Variants in NRCAM observed in about 807,000 individuals in gnomAD.
The protein encoded by NRCAM is neuronal cell adhesion molecule.
Under a neutral mutation model 156.5 loss-of-function variants are expected in NRCAM, and 83 were observed. That is an observed-to-expected ratio of 0.53 (90% CI 0.44 to 0.64). The LOEUF is 0.64. Ranked by LOEUF, NRCAM falls within the 30% of genes least tolerant of loss-of-function variation. The pLI is 0.00. For synonymous variants in NRCAM, 538 were observed against 563.9 expected, an observed-to-expected ratio of 0.95 and a Z score of 0.65; for missense variants, 1,417 against 1,597.3, an observed-to-expected ratio of 0.89 and a Z score of 1.92.
At chr7:108,288,456 T>C (rs2098178267) in intron 3 of NRCAM, among the ~76,000 whole-genome samples, 1 of 152,118 alleles carries the variant, frequency 6.6e-6, no homozygotes, top group African/African-American at 2.4e-5. Flanking sequence ...AAAATGTACA[T>C]CAGTGTAGTA....
At chr7:108,425,457 G>A (rs751277940) in intron 1 of NRCAM, among the ~76,000 whole-genome samples, 1 of 152,148 alleles carries the variant, frequency 6.6e-6, no homozygotes, top group Non-Finnish European at 1.5e-5. Context: ...TTTTAAATCA[G>A]TGGGTTTTAT....
intron 3 of NRCAM, among the ~76,000 whole-genome samples, chr7:108,290,233 A>G (rs779926904): frequency 2.0e-5 from 3 of 152,190 alleles, no homozygotes; most frequent in Non-Finnish European, 4.4e-5. Flanking sequence ...CTATGTGGGC[A>G]TTACCAGTAG....
chr7:108,295,238 T>C (rs908162605), intron 3 of NRCAM, among the ~76,000 whole-genome samples: 1 of 152,226 alleles, frequency 6.6e-6, no homozygotes, highest in African/African-American at 2.4e-5. Context: ...ACTTTTCATA[T>C]GTTAACTTTT....
chr7:108,442,754 T>A (rs1044909573), intron 1 of NRCAM, among the ~76,000 whole-genome samples: 1 of 152,124 alleles, frequency 6.6e-6, no homozygotes, highest in South Asian at 2.1e-4. Flanking sequence ...TCAAGGCAAA[T>A]ATTTAAAAGA....
chr7:108,455,938 G>A (rs931738456), intron 1 of NRCAM, among the ~76,000 whole-genome samples: 1 of 152,218 alleles, frequency 6.6e-6, no homozygotes. Flanking sequence ...CGGAGCAGAA[G>A]TTGGCCACAG....
chr7:108,207,783 G>T (rs1474540987), intron 12 of NRCAM, 124 bp from the exon 13 acceptor site: 5 of 684,620 alleles, frequency 7.3e-6, no homozygotes, highest in Non-Finnish European at 1.1e-5. Flanking sequence ...CATTTTTTTT[G>T]AGCGAATAGA....
intron 3 of NRCAM, among the ~76,000 whole-genome samples, chr7:108,267,414 G>A (rs984915314): frequency 5.9e-5 from 9 of 152,176 alleles, no homozygotes; most frequent in Admixed American, 1.3e-4. Flanking sequence ...CACACTTTCG[G>A]TCAGGGTTCT....
chr7:108,221,776 C>A (rs2092373757), intron 11 of NRCAM, among the ~76,000 whole-genome samples: 1 of 151,882 alleles, frequency 6.6e-6, no homozygotes, highest in South Asian at 2.1e-4. Flanking sequence ...ATGGGTGCAC[C>A]AAAATCTCAC....
At chr7:108,324,883 T>A (rs1347278921) in intron 2 of NRCAM, among the ~76,000 whole-genome samples, 8 of 139,274 alleles carry the variant, frequency 5.7e-5, no homozygotes, top group East Asian at 2.0e-4. Flanking sequence ...TGTACTTTTT[T>A]TTTTTTTTTT....
At chr7:108,332,190 C>T (rs1221152484) in intron 2 of NRCAM, among the ~76,000 whole-genome samples, 3 of 152,188 alleles carry the variant, frequency 2.0e-5, no homozygotes, top group African/African-American at 7.2e-5. Flanking sequence ...AGGAACCCCA[C>T]AGATAATTTG....
chr7:108,293,547 C>CT (rs1230105482), intron 3 of NRCAM, among the ~76,000 whole-genome samples: 1 of 152,182 alleles, frequency 6.6e-6, no homozygotes, highest in Non-Finnish European at 1.5e-5. Flanking sequence ...TAAAGGAAGT[C>CT]TAAGTGCAGG....
At chr7:108,173,503 A>G (rs1269514251) in intron 28 of NRCAM, among the ~76,000 whole-genome samples, 2 of 152,142 alleles carry the variant, frequency 1.3e-5, no homozygotes, top group East Asian at 1.9e-4. Context: ...TCATTTTCAG[A>G]TTGAAAAAAA....
At chr7:108,256,148 G>A in intron 3 of NRCAM, among the ~76,000 whole-genome samples, 2 of 152,212 alleles carry the variant, frequency 1.3e-5, no homozygotes, top group Admixed American at 6.5e-5. Flanking sequence ...ATTGAGAACG[G>A]GCCATGATGA....
chr7:108,222,824 T>C (rs1240461393), intron 11 of NRCAM, among the ~76,000 whole-genome samples: 1 of 152,158 alleles, frequency 6.6e-6, no homozygotes, highest in Non-Finnish European at 1.5e-5. Flanking sequence ...GATGCGCCCA[T>C]ACCAATGGTG....
chr7:108,402,123 T>A (rs2099794437), intron 1 of NRCAM, among the ~76,000 whole-genome samples: 1 of 152,346 alleles, frequency 6.6e-6, no homozygotes, highest in Non-Finnish European at 1.5e-5. Context: ...CAGTCCATCA[T>A]GATATCTGAG....
chr7:108,171,452 C>A (rs769836946), intron 28 of NRCAM, among the ~76,000 whole-genome samples: 4 of 152,140 alleles, frequency 2.6e-5, no homozygotes, highest in Admixed American at 6.5e-5. Context: ...CTAAGTGGAC[C>A]GCTTGGTATA....
chr7:108,366,997 A>T (rs12531089), intron 2 of NRCAM, among the ~76,000 whole-genome samples: 48,768 of 152,100 alleles, frequency 0.32, 8,219 homozygotes, highest in East Asian at 0.56. Flanking sequence ...AGAAGAAACT[A>T]CTGAAATGAT....
chr7:108,227,775 T>C (rs867414255), intron 8 of NRCAM, among the ~76,000 whole-genome samples: 52 of 152,278 alleles, frequency 3.4e-4, no homozygotes, highest in African/African-American at 1.1e-3. Flanking sequence ...TGACAGGGTT[T>C]TTGCAGTGTA....
intron 3 of NRCAM, among the ~76,000 whole-genome samples, chr7:108,308,544 G>C (rs1342129255): frequency 6.6e-6 from 1 of 152,174 alleles, no homozygotes; most frequent in Non-Finnish European, 1.5e-5. Flanking sequence ...AATGGGAGGA[G>C]AGGGGGGAAC....
Sources: allele counts gnomAD v4.1 joint callset (sites outside exome capture counted in the v4.1 genomes callset), GRCh38; gene constraint gnomAD v4.1.1; transcripts MANE v1.5; gene names NCBI Gene and HGNC (gene_info 2026-07-23, HGNC 2026-07-21).